NELL2: variants seen among roughly 807,000 people sequenced by gnomAD.
NELL2 encodes the protein protein kinase C-binding protein NELL2.
NELL2 carries 41 observed loss-of-function variants against 109.6 expected under a neutral mutation model. The ratio of observed to expected loss-of-function variants is 0.37; its 90% CI spans 0.29 to 0.49. The LOEUF (loss-of-function observed/expected upper bound fraction) is 0.49, where lower values mean the gene tolerates loss of function less well. Among genes scored for constraint, NELL2 ranks in the 20% least tolerant of loss-of-function variants. The probability of loss-of-function intolerance (pLI) is 0.98; values close to 1 mark genes in which losing one functional copy is unlikely to be tolerated. For missense variants in NELL2, 900 were observed against 1,008.3 expected, an observed-to-expected ratio of 0.89 and a Z score of 1.45; for synonymous variants, 355 against 344.7, an observed-to-expected ratio of 1.03 and a Z score of -0.33.
At chr12:44,874,781 T>C (rs909825742) in intron 2 of NELL2, among the ~76,000 whole-genome samples, 2 of 152,200 alleles carry the variant, frequency 1.3e-5, no homozygotes, top group African/African-American at 4.8e-5. Flanking sequence ...GGCATTAATT[T>C]TTCCAGAAAG....
At chr12:44,518,381 A>G (rs1371905258) in intron 19 of NELL2, among the ~76,000 whole-genome samples, 2 of 151,886 alleles carry the variant, frequency 1.3e-5, no homozygotes, top group Non-Finnish European at 2.9e-5. Flanking sequence ...AGTAGCTGGG[A>G]CTACAGGCAC....
chr12:44,736,414 C>CCT (rs907856128), intron 9 of NELL2, among the ~76,000 whole-genome samples: 3 of 151,998 alleles, frequency 2.0e-5, no homozygotes. Flanking sequence ...AACTGCAAGG[C>CCT]AAAGACTAAG....
intron 1 of NELL2, among the ~76,000 whole-genome samples, chr12:44,899,285 G>A (rs1566605644): frequency 6.6e-6 from 1 of 152,102 alleles, no homozygotes; most frequent in Non-Finnish European, 1.5e-5. Context: ...TACTCCTCGA[G>A]AAGAGCAACC....
chr12:44,523,674 T>TATC, intron 16 of NELL2, 190 bp from the exon 17 acceptor site: 1 of 579,876 alleles, frequency 1.7e-6, no homozygotes, highest in Non-Finnish European at 3.0e-6. Flanking sequence ...AGGAAAATAT[T>TATC]ATCATGTTTG....
At chr12:44,725,773 T>C (rs1354045061) in intron 9 of NELL2, among the ~76,000 whole-genome samples, 3 of 152,128 alleles carry the variant, frequency 2.0e-5, no homozygotes, top group Non-Finnish European at 4.4e-5. Context: ...ACCACATGTT[T>C]TCACTTATAA....
intron 15 of NELL2, among the ~76,000 whole-genome samples, chr12:44,551,955 G>C (rs1420144726): frequency 6.6e-6 from 1 of 152,134 alleles, no homozygotes; most frequent in Non-Finnish European, 1.5e-5. Flanking sequence ...AACTGAAGGA[G>C]CCCAGGGAAA....
chr12:44,793,683 A>G (rs1008005990), intron 3 of NELL2, among the ~76,000 whole-genome samples: 4 of 152,216 alleles, frequency 2.6e-5, no homozygotes, highest in African/African-American at 9.6e-5. Flanking sequence ...ATAGATAAGT[A>G]ATCCATCAAA....
chr12:44,767,332 C>T (rs1481761227), intron 9 of NELL2, among the ~76,000 whole-genome samples: 1 of 152,168 alleles, frequency 6.6e-6, no homozygotes, highest in Non-Finnish European at 1.5e-5. Flanking sequence ...AAAAGCCCCC[C>T]AATGCCTTTT....
intron 15 of NELL2, among the ~76,000 whole-genome samples, chr12:44,583,079 T>C (rs1944377887): frequency 6.6e-6 from 1 of 152,122 alleles, no homozygotes; most frequent in African/African-American, 2.4e-5. Flanking sequence ...TTCTTTTCAC[T>C]AAAATTACCC....
At chr12:44,706,729 A>G (rs1340098677) in intron 11 of NELL2, among the ~76,000 whole-genome samples, 1 of 152,212 alleles carries the variant, frequency 6.6e-6, no homozygotes, top group African/African-American at 2.4e-5. Context: ...GTTGAGATCC[A>G]TAAAAGAAAA....
rs971283828 is a variant in NELL2 at position 44,875,455 on chromosome 12, T to C, written c.56-102A>G. ...AAAGAACCGCGTTTTCGCGACAATA[T>C]TGGGAACTGAAGATGAGAGGCGACT... On this transcript the variant is annotated intron_variant, in intron 1 of 19. Transcript: ENST00000429094. 3.1e-6 allele frequency: 5 copies of C among 1,613,844 alleles called. No homozygotes were observed. The African/African-American group carries it at 5.3e-5, about 17-fold the overall frequency.
chr12:44,596,875 C>T (rs1260283765), intron 15 of NELL2, among the ~76,000 whole-genome samples: 3 of 152,192 alleles, frequency 2.0e-5, no homozygotes, highest in African/African-American at 7.2e-5. Flanking sequence ...CTACTTGTAA[C>T]TCTTAACCAT....
intron 9 of NELL2, among the ~76,000 whole-genome samples, chr12:44,719,891 A>G (rs1227034075): frequency 6.6e-6 from 1 of 152,170 alleles, no homozygotes; most frequent in Non-Finnish European, 1.5e-5. Flanking sequence ...TATTCTTATT[A>G]TACATTTTTG....
At chr12:44,777,814 C>G (rs1026204325) in intron 5 of NELL2, among the ~76,000 whole-genome samples, 1 of 152,104 alleles carries the variant, frequency 6.6e-6, no homozygotes, top group Non-Finnish European at 1.5e-5. Flanking sequence ...TTAAAAAGGA[C>G]AATAGATTCA....
chr12:44,542,605 C>T (rs1901556), intron 15 of NELL2, among the ~76,000 whole-genome samples: 82,066 of 151,778 alleles, frequency 0.54, 23,083 homozygotes, highest in East Asian at 0.72. Context: ...TTAAGATGGG[C>T]CCCAAATCCA....
At chr12:44,799,237 T>C (rs1942744884) in intron 3 of NELL2, among the ~76,000 whole-genome samples, 1 of 152,054 alleles carries the variant, frequency 6.6e-6, no homozygotes, top group Non-Finnish European at 1.5e-5. Flanking sequence ...GGACTACAGG[T>C]GTGAGACACC....
At chr12:44,824,772 A>G (rs972773512) in intron 2 of NELL2, among the ~76,000 whole-genome samples, 1 of 148,034 alleles carries the variant, frequency 6.8e-6, no homozygotes, top group African/African-American at 2.5e-5. Context: ...GTGCAACGGC[A>G]TGATCTCGGC....
At chr12:44,852,194 G>T (rs570458157) in intron 2 of NELL2, among the ~76,000 whole-genome samples, 1 of 151,948 alleles carries the variant, frequency 6.6e-6, no homozygotes, top group South Asian at 2.1e-4. Context: ...CTGAAATTCC[G>T]TATCTCAATT....
At chr12:44,687,127 G>T (rs1329554248) in intron 12 of NELL2, among the ~76,000 whole-genome samples, 4 of 152,200 alleles carry the variant, frequency 2.6e-5, no homozygotes, top group Admixed American at 2.0e-4. Context: ...TTTTAAGCCC[G>T]TCGGAAATGC....
Sources: allele counts gnomAD v4.1 joint callset (sites outside exome capture counted in the v4.1 genomes callset), GRCh38; gene constraint gnomAD v4.1.1; transcripts MANE v1.5; gene names NCBI Gene and HGNC (gene_info 2026-07-23, HGNC 2026-07-21).